The following NDRG4 variants were observed in gnomAD, a reference collection of about 807,000 sequenced individuals.
The protein encoded by NDRG4 is NDRG family member 4, also known as protein NDRG4.
Under a neutral mutation model 55.8 loss-of-function variants are expected in NDRG4, and 38 were observed. The observed-to-expected ratio is 0.68, with a 90% CI of 0.53 to 0.89. The LOEUF (loss-of-function observed/expected upper bound fraction) is 0.89, where lower values mean the gene tolerates loss of function less well. Ranked by LOEUF, NDRG4 falls within the 40% of genes least tolerant of loss-of-function variation. The probability of loss-of-function intolerance (pLI) is 0.00; values close to 1 mark genes in which losing one functional copy is unlikely to be tolerated. For synonymous variants in NDRG4, 190 were observed against 182.7 expected, an observed-to-expected ratio of 1.04 and a Z score of -0.32; for missense variants, 455 against 468.6, an observed-to-expected ratio of 0.97 and a Z score of 0.27.
At chr16:58,503,735 A>G (rs781671193) in intron 1 of NDRG4, 63 bp from the exon 2 acceptor site, 4 of 1,606,828 alleles carry the variant, frequency 2.5e-6, no homozygotes, top group South Asian at 1.1e-5. Context: ...GCGTCACCTC[A>G]TTCCCCAGAG....
At chr16:58,496,143 GCTGA>G (rs542878427), upstream of NDRG4, among the ~76,000 whole-genome samples, 12 of 152,282 alleles carry the variant, frequency 7.9e-5, no homozygotes, top group East Asian at 2.3e-3. Flanking sequence ...CGCCAACAGT[GCTGA>G]TGCCAGCCCC....
chr16:58,511,271 C>T (rs757491698), intron 14 of NDRG4, 151 bp from the exon 15 acceptor site: 18 of 882,664 alleles, frequency 2.0e-5, no homozygotes, highest in East Asian at 1.2e-4. Context: ...GCCCCCAGCC[C>T]GACAGCTGTC....
At chr16:58,509,962 C>T (rs2038588145) in intron 13 of NDRG4, among the ~76,000 whole-genome samples, 1 of 151,850 alleles carries the variant, frequency 6.6e-6, no homozygotes. Context: ...ACACACACAA[C>T]ACACCCCTTG....
chr16:58,504,080 C>A, intron 2 of NDRG4, 74 bp from the exon 3 acceptor site: 1 of 1,602,246 alleles, frequency 6.2e-7, no homozygotes, highest in Non-Finnish European at 8.5e-7. Flanking sequence ...GCCTTGCCTG[C>A]CCTCTGGGGG....
chr16:58,507,238 C>T (rs2038160366), intron 8 of NDRG4: 4 of 565,040 alleles, frequency 7.1e-6, no homozygotes, highest in East Asian at 2.9e-5. Context: ...CACTTTTCCT[C>T]CTCCCCTGGG....
intron 1 of NDRG4, among the ~76,000 whole-genome samples, chr16:58,469,576 G>A (rs2032371233): frequency 6.6e-6 from 1 of 151,806 alleles, no homozygotes; most frequent in Non-Finnish European, 1.5e-5. Context: ...AAGCAAAAAA[G>A]CAAAAAAAAC....
chr16:58,465,348 C>T, intron 1 of NDRG4: 1 of 375,356 alleles, frequency 2.7e-6, no homozygotes, highest in Non-Finnish European at 5.4e-6. Context: ...AAGGGGCAGC[C>T]GTCTGTGGGT....
intron 1 of NDRG4, chr16:58,500,954 C>T (rs913333282): frequency 8.2e-7 from 1 of 1,215,494 alleles, no homozygotes; most frequent in African/African-American, 1.6e-5. Context: ...TGGGGAGGAA[C>T]GAGGAGGGGT....
downstream of NDRG4, among the ~76,000 whole-genome samples, chr16:58,514,527 A>T (rs1411271022): frequency 6.6e-6 from 1 of 152,066 alleles, no homozygotes; most frequent in Admixed American, 6.6e-5. Flanking sequence ...GCCTGAGCTC[A>T]GGAGTTCGAG....
intron 1 of NDRG4, among the ~76,000 whole-genome samples, chr16:58,481,519 G>A (rs2151634972): frequency 6.6e-6 from 1 of 152,216 alleles, no homozygotes; most frequent in Admixed American, 6.5e-5. Context: ...GGGATTCACA[G>A]GCTCAACCCA....
intron 1 of NDRG4, among the ~76,000 whole-genome samples, chr16:58,486,162 C>CCATT (rs575990203): frequency 6.6e-6 from 1 of 152,158 alleles, no homozygotes; most frequent in Non-Finnish European, 1.5e-5. Flanking sequence ...AAAGAGCTAT[C>CCATT]CATTCATTCA....
Position 58,503,791 on chromosome 16 carries a change from C to T in NDRG4, c.22-7C>T, listed in dbSNP as rs1402061391. 1 of 1,613,882 alleles carries T rather than the reference C, an allele frequency of 6.2e-7. No homozygotes were observed. The highest frequency in any genetic ancestry group is 1.1e-5 in the South Asian group (1 of 91,084). On this transcript the variant is annotated splice_polypyrimidine_tract_variant and splice_region_variant and intron_variant, in intron 1 of 14. Transcript: ENST00000570248. Reference sequence around the variant, plus strand: ...CCAGAGTGTCCAGCACGGTCTCTCCCCTTCAGGAACATGACATCGAGACAC... The same window carrying T: ...CCAGAGTGTCCAGCACGGTCTCTCCTCTTCAGGAACATGACATCGAGACAC...
Position 58,511,602 on chromosome 16 carries a change from C to T in NDRG4, c.*26C>T. 6.2e-7 allele frequency: 1 copy of T among 1,612,858 alleles called. No individual in the cohort carries two copies. Among genetic ancestry groups the T allele is most frequent in the Non-Finnish European group, 8.5e-7 (1 of 1,179,836 alleles). Reference sequence around the variant, plus strand: ...AGCCCTTGATCCCGCTGACGACGCCCACGTCGAGGCCCCACCGCCATCCTT... The same window carrying T: ...AGCCCTTGATCCCGCTGACGACGCCTACGTCGAGGCCCCACCGCCATCCTT... On this transcript the variant is annotated 3_prime_UTR_variant, in exon 15 of 15. Transcript: ENST00000570248.
chr16:58,505,261 A>C (rs1284409527), intron 5 of NDRG4, among the ~76,000 whole-genome samples: 1 of 152,038 alleles, frequency 6.6e-6, no homozygotes, highest in Non-Finnish European at 1.5e-5. Flanking sequence ...AGGCAGGAGA[A>C]AGGCGTGAAC....
In NDRG4 at chr16:58,507,967, G is replaced by C; in HGVS notation, c.697G>C (p.Val233Leu). Residue 233 changes from valine (V) to leucine (L), a missense_variant, in exon 10 of 15, where the codon GTT (valine) becomes CTT (leucine). Coordinates refer to ENST00000570248, the MANE Select transcript of NDRG4 (RefSeq NM_001242835.2). Reference protein sequence around the residue: ...KTLRCPVMLVVGDNAPAEDGV... With the variant: ...KTLRCPVMLVLGDNAPAEDGV... The stretch of plus-strand genomic sequence containing the variant: ...CTGCAGCTGCCCCGTGATGCTGGTG[G>C]TTGGGGATAATGCACCCGCTGAGGA... The C allele has an allele frequency of 1.9e-6, 3 of 1,600,328 alleles. No homozygotes were observed. The highest frequency in any genetic ancestry group is 2.6e-6 in the Non-Finnish European group (3 of 1,171,132).
chr16:58,484,906 G>A (rs1307341432), intron 1 of NDRG4, among the ~76,000 whole-genome samples: 1 of 129,920 alleles, frequency 7.7e-6, no homozygotes. Context: ...TTTTTTTGAT[G>A]GAGTCTCGCT....
intron 13 of NDRG4, 88 bp from the exon 14 acceptor site, chr16:58,510,557 C>G: frequency 8.7e-7 from 1 of 1,154,358 alleles, no homozygotes; most frequent in Non-Finnish European, 1.3e-6. Flanking sequence ...TGGCTCATCT[C>G]AATGCCCTTG....
intron 1 of NDRG4, 101 bp from the exon 2 acceptor site, chr16:58,503,697 C>CTAACAGG: frequency 1.3e-6 from 2 of 1,563,608 alleles, no homozygotes; most frequent in Non-Finnish European, 1.7e-6. Flanking sequence ...AGTAGGGGCT[C>CTAACAGG]TACCACAGGC....
chr16:58,510,836 CT>C, intron 14 of NDRG4, 153 bp downstream of exon 14: 4 of 741,082 alleles, frequency 5.4e-6, no homozygotes, highest in Non-Finnish European at 9.0e-6. Flanking sequence ...CAGATTCTTG[CT>C]TTTCTGCAGG....
Sources: gnomAD v4.1 joint callset for allele counts (sites outside exome capture counted in the v4.1 genomes callset) on GRCh38, gnomAD v4.1.1 for gene constraint, MANE v1.5 for transcripts, NCBI Gene and HGNC (gene_info 2026-07-23, HGNC 2026-07-21) for gene names.